Variants in DYSF observed in about 807,000 individuals in gnomAD.
DYSF encodes dysferlin.
A neutral mutation model predicts 274.9 loss-of-function variants in DYSF; 212 were observed. The observed-to-expected ratio is 0.77, with a 90% CI of 0.69 to 0.86. The LOEUF is 0.86. DYSF is among the 40% of genes least tolerant of loss of function. The pLI is 0.00. For missense variants in DYSF, 2,666 were observed against 2,783.2 expected, an observed-to-expected ratio of 0.96 and a Z score of 0.95; for synonymous variants, 1,091 against 1,078.7, an observed-to-expected ratio of 1.01 and a Z score of -0.22.
rs2090960333 is a variant in DYSF, at chr2:71,551,706, A to G, written c.1792A>G (p.Ile598Val). The G allele has an allele frequency of 1.9e-6, 3 of 1,606,358 alleles. No individual in the cohort carries two copies. Among genetic ancestry groups the G allele is most frequent in the Middle Eastern group, 1.7e-4 (1 of 6,052 alleles). The change falls in exon 19 of 56, where the codon ATC becomes GTC. Residue 598 changes from isoleucine (I) to valine (V), a missense_variant. By Grantham distance (29) the Ile-to-Val change is conservative. Around this residue, in one of 3 missense-constraint regions of DYSF, gnomAD observed 794 missense variants for 777.1 expected, o/e 1.02. Transcript: ENST00000410020. ...GGTGGAGGACCTTCCTGCGGATGAC[A>G]TCCTCCGGGTGGAGGTGAGGGGTGT... ...QKVEDLPADD[I>V]LRVEKYLRRR...
At chr2:71,515,830 C>T in intron 8 of DYSF, 79 bp downstream of exon 8, 1 of 1,595,556 alleles carries the variant, frequency 6.3e-7, no homozygotes, top group Non-Finnish European at 8.6e-7. Flanking sequence ...CCTGGCAATT[C>T]ATTCAAGAGT....
chr2:71,669,075 G>A, intron 49 of DYSF, 37 bp from the exon 50 acceptor site: 3 of 1,538,830 alleles, frequency 1.9e-6, no homozygotes, highest in South Asian at 1.2e-5. Flanking sequence ...TCCTTTGGTA[G>A]GAAATCTAGG....
intron 1 of DYSF, among the ~76,000 whole-genome samples, chr2:71,477,311 A>G (rs953287580): frequency 1.3e-5 from 2 of 152,170 alleles, no homozygotes; most frequent in African/African-American, 2.4e-5. Context: ...TGGTGCCAGC[A>G]CATAGGTTGC....
At chr2:71,610,389 AATTT>A (rs1324660275) in intron 36 of DYSF, among the ~76,000 whole-genome samples, 1 of 152,200 alleles carries the variant, frequency 6.6e-6, no homozygotes, top group Non-Finnish European at 1.5e-5. Context: ...GAGGTGAAAT[AATTT>A]ATTTAACGTC....
intron 32 of DYSF, among the ~76,000 whole-genome samples, chr2:71,591,378 C>A (rs1026866784): frequency 1.3e-5 from 2 of 152,196 alleles, no homozygotes; most frequent in African/African-American, 4.8e-5. Context: ...TCTGCCATCT[C>A]CTTCCTGCTC....
At chr2:71,571,416 AGAT>A (rs2092435414) in intron 29 of DYSF, among the ~76,000 whole-genome samples, 1 of 141,982 alleles carries the variant, frequency 7.0e-6, no homozygotes, top group Admixed American at 7.0e-5. Context: ...CAGCACACAC[AGAT>A]CACAGTCAGC....
At chr2:71,530,933 A>G (rs2088627752) in intron 14 of DYSF, among the ~76,000 whole-genome samples, 1 of 152,040 alleles carries the variant, frequency 6.6e-6, no homozygotes, top group South Asian at 2.1e-4. Context: ...TGGCAGTATT[A>G]TCCAAGATGT....
chr2:71,596,678 C>T (rs2093417066), intron 32 of DYSF, among the ~76,000 whole-genome samples: 1 of 152,182 alleles, frequency 6.6e-6, no homozygotes, highest in Non-Finnish European at 1.5e-5. Context: ...GTGGGCAGTT[C>T]TCTCTGGCTC....
Position 71,665,235 on chromosome 2 carries a change from G to T in DYSF, c.5248G>T (p.Val1750Phe). Residue 1750 changes from valine (V) to phenylalanine (F), a missense_variant, in exon 47 of 56, where the codon GTC becomes TTC. Physicochemically the swap from Val to Phe is conservative, Grantham distance 50. This residue lies in a region of DYSF where 1,460 missense variants were observed against 1,502.1 expected (regional missense o/e 0.97). Transcript: ENST00000410020. Reference protein sequence around the residue: ...LLHLFCQQHRVKAPVYRTDRV... With the variant: ...LLHLFCQQHRFKAPVYRTDRV... ...CCACCTCTTCTGCCAGCAGCATAGAGTCAAGGCACCTGTGTACCGGACAGA... is the reference window on the plus strand; with the variant it reads ...CCACCTCTTCTGCCAGCAGCATAGATTCAAGGCACCTGTGTACCGGACAGA... The T allele has an allele frequency of 6.2e-7, 1 of 1,614,182 alleles. No individual in the cohort carries two copies. Among genetic ancestry groups the T allele is most frequent in the Non-Finnish European group, 8.5e-7 (1 of 1,180,032 alleles).
intron 52 of DYSF, among the ~76,000 whole-genome samples, chr2:71,677,568 T>TA: frequency 6.6e-6 from 1 of 152,064 alleles, no homozygotes; most frequent in South Asian, 2.1e-4. Flanking sequence ...GATAAAACAA[T>TA]AAAAAAAGAT....
At chr2:71,499,888 C>T (rs972761641) in intron 3 of DYSF, among the ~76,000 whole-genome samples, 1 of 152,196 alleles carries the variant, frequency 6.6e-6, no homozygotes, top group Admixed American at 6.5e-5. Context: ...GTCATTTCCA[C>T]CCATGTAGGC....
intron 1 of DYSF, among the ~76,000 whole-genome samples, chr2:71,459,206 C>A (rs755122742): frequency 2.0e-5 from 3 of 152,182 alleles, no homozygotes; most frequent in Non-Finnish European, 2.9e-5. Context: ...CTCTAAAGGT[C>A]AGTGTCACTG....
chr2:71,612,231 GT>G (rs2093779373), intron 38 of DYSF, among the ~76,000 whole-genome samples: 1 of 152,224 alleles, frequency 6.6e-6, no homozygotes, highest in South Asian at 2.1e-4. Flanking sequence ...TTCAAGTTGT[GT>G]TCAAAGTGCT....
At chr2:71,464,754 A>G (rs1395509448), upstream of DYSF, among the ~76,000 whole-genome samples, 1 of 152,194 alleles carries the variant, frequency 6.6e-6, no homozygotes, top group African/African-American at 2.4e-5. Flanking sequence ...GAGTAGAACC[A>G]GGTCATGAGA....
intron 41 of DYSF, among the ~76,000 whole-genome samples, chr2:71,638,888 A>T (rs1201142610): frequency 3.3e-5 from 5 of 152,206 alleles, no homozygotes; most frequent in Non-Finnish European, 7.3e-5. Context: ...TCTAACGTTT[A>T]ATGTTTTGAG....
intron 41 of DYSF, among the ~76,000 whole-genome samples, chr2:71,635,029 C>T (rs920145543): frequency 1.3e-5 from 2 of 152,160 alleles, no homozygotes; most frequent in African/African-American, 4.8e-5. Context: ...CCATGACACC[C>T]ATGCAGCCAT....
intron 41 of DYSF, among the ~76,000 whole-genome samples, chr2:71,637,065 G>T (rs2094415218): frequency 6.6e-6 from 1 of 152,178 alleles, no homozygotes; most frequent in Non-Finnish European, 1.5e-5. Flanking sequence ...GACAATAAGT[G>T]TGGACAACTC....
At chr2:71,601,850 C>T (rs139632442) in intron 35 of DYSF, among the ~76,000 whole-genome samples, 59 of 152,334 alleles carry the variant, frequency 3.9e-4, no homozygotes, top group African/African-American at 1.4e-3. Flanking sequence ...AATCTTAATG[C>T]ACATCCAGGA....
chr2:71,573,803 ATTTTTCTTTTTCT>A (rs1371102742), intron 29 of DYSF, among the ~76,000 whole-genome samples: 2 of 151,110 alleles, frequency 1.3e-5, no homozygotes, highest in Non-Finnish European at 3.0e-5. Context: ...TCCCCTCCTG[ATTTTTCTTTTTCT>A]TTTTTCTTTT....
Sources: gnomAD v4.1 joint callset for allele counts (sites outside exome capture counted in the v4.1 genomes callset) on GRCh38, gnomAD v4.1.1 for gene constraint, gnomAD v4.1.1 regional missense constraint, MANE v1.5 for transcripts, NCBI Gene and HGNC (gene_info 2026-07-23, HGNC 2026-07-21) for gene names.